CRTAC1: variants seen among roughly 807,000 people sequenced by gnomAD.
CRTAC1 encodes acidic secreted protein in cartilage.
Under a neutral mutation model 67.8 loss-of-function variants are expected in CRTAC1, and 37 were observed. The ratio of observed to expected loss-of-function variants is 0.55; its 90% CI spans 0.42 to 0.72. The LOEUF (loss-of-function observed/expected upper bound fraction) is 0.72. Among genes scored for constraint, CRTAC1 ranks in the 30% least tolerant of loss-of-function variants. CRTAC1 has a pLI of 0.00. For missense variants in CRTAC1, 780 were observed against 931.6 expected (o/e 0.84, Z 2.12); for synonymous variants, 348 against 371.0 (o/e 0.94, Z 0.71).
chr10:97,915,664 C>T (rs7899412), intron 5 of CRTAC1, among the ~76,000 whole-genome samples: 135,077 of 151,240 alleles, frequency 0.89, 60,712 homozygotes, highest in South Asian at 0.96. Flanking sequence ...TCCAGCCAGA[C>T]GTCCATGTGT....
intron 14 of CRTAC1, among the ~76,000 whole-genome samples, chr10:97,874,124 G>A (rs2050120816): frequency 6.6e-6 from 1 of 152,238 alleles, no homozygotes; most frequent in Non-Finnish European, 1.5e-5. Context: ...GGAGCAGCCG[G>A]CAACCCGGCA....
intron 7 of CRTAC1, among the ~76,000 whole-genome samples, chr10:97,902,104 G>T (rs1413656778): frequency 6.6e-6 from 1 of 152,192 alleles, no homozygotes; most frequent in Non-Finnish European, 1.5e-5. Flanking sequence ...AGCTGGGTGG[G>T]CACCGGAAAT....
At chr10:97,971,213 C>G (rs1247667664) in intron 2 of CRTAC1, among the ~76,000 whole-genome samples, 2 of 152,122 alleles carry the variant, frequency 1.3e-5, no homozygotes, top group African/African-American at 4.8e-5. Context: ...TGATTGATGA[C>G]TAGGAATCTA....
chr10:97,908,171 T>G, intron 5 of CRTAC1, 24 bp from the exon 6 acceptor site: 2 of 1,612,546 alleles, frequency 1.2e-6, no homozygotes, highest in Non-Finnish European at 1.7e-6. Flanking sequence ...CGACCCACAG[T>G]GAGTGGCAGA....
chr10:97,906,522 C>T (rs1026344414), intron 6 of CRTAC1, among the ~76,000 whole-genome samples: 6 of 152,218 alleles, frequency 3.9e-5, no homozygotes, highest in Non-Finnish European at 8.8e-5. Flanking sequence ...CCTTCTCCCA[C>T]TCCAACTTGT....
At chr10:97,909,410 T>C (rs1157703822) in intron 5 of CRTAC1, among the ~76,000 whole-genome samples, 1 of 152,170 alleles carries the variant, frequency 6.6e-6, no homozygotes, top group African/African-American at 2.4e-5. Context: ...CCCTGGGCAA[T>C]TTACGTTACC....
chr10:98,013,959 C>T (rs1201280744), intron 1 of CRTAC1, among the ~76,000 whole-genome samples: 8 of 152,132 alleles, frequency 5.3e-5, no homozygotes, highest in South Asian at 2.1e-4. Flanking sequence ...GAGAATAAGT[C>T]CTTTACATTT....
chr10:97,908,981 G>A (rs572426404), intron 5 of CRTAC1, among the ~76,000 whole-genome samples: 78 of 152,342 alleles, frequency 5.1e-4, no homozygotes, highest in African/African-American at 1.8e-3. Context: ...GAAGGAAAGA[G>A]AAACGATAGT....
chr10:97,946,988 A>C (rs1347039169), intron 2 of CRTAC1, among the ~76,000 whole-genome samples: 1 of 152,220 alleles, frequency 6.6e-6, no homozygotes, highest in Non-Finnish European at 1.5e-5. Flanking sequence ...GCTTGGTCAC[A>C]AAACACTTTA....
At chr10:97,930,287 C>G (rs1042742427) in intron 3 of CRTAC1, among the ~76,000 whole-genome samples, 2 of 152,204 alleles carry the variant, frequency 1.3e-5, no homozygotes, top group African/African-American at 2.4e-5. Flanking sequence ...TTGTTAGGAC[C>G]ATGGGGATGG....
At chr10:98,011,679 G>C (rs1842912042) in intron 1 of CRTAC1, among the ~76,000 whole-genome samples, 1 of 152,156 alleles carries the variant, frequency 6.6e-6, no homozygotes, top group Non-Finnish European at 1.5e-5. Context: ...AGCTCCACTT[G>C]GGCAAGGATC....
At chr10:98,018,561 A>G (rs542985697) in intron 1 of CRTAC1, among the ~76,000 whole-genome samples, 2 of 152,318 alleles carry the variant, frequency 1.3e-5, no homozygotes, top group East Asian at 1.9e-4. Context: ...ACTTTCCTGA[A>G]TTGGGCCTGG....
chr10:97,871,001 T>G (rs1564870640), intron 14 of CRTAC1: 1 of 152,216 alleles, frequency 6.6e-6, no homozygotes, highest in Non-Finnish European at 1.5e-5. Flanking sequence ...AGTAAGAAAC[T>G]GGCCATGAAT....
chr10:97,870,766 T>A (rs1261658091), intron 14 of CRTAC1: 1 of 152,034 alleles, frequency 6.6e-6, no homozygotes, highest in African/African-American at 2.4e-5. Flanking sequence ...GAAAATGTAA[T>A]GTCTGCTCTG....
At position 97,917,671 on chromosome 10, in the gene CRTAC1, A is replaced by G; in HGVS notation, c.559-15T>C. 1 of 1,528,860 alleles carries G rather than the reference A, an allele frequency of 6.5e-7. No individual in the cohort carries two copies. Among genetic ancestry groups the G allele is most frequent in the Non-Finnish European group, 8.9e-7 (1 of 1,126,568 alleles). 94.7% of individuals were successfully genotyped at this position (1,528,860 alleles called of 1,614,324 possible). On this transcript the variant is annotated splice_polypyrimidine_tract_variant and intron_variant, in intron 4 of 14. Transcript: ENST00000370597. Reference sequence around the variant, plus strand: ...CGTCCAGAGCCCTGAGGAAGAAGGGAAGGGAGAGGTGAGCAGGGCCACCTT... The same window carrying G: ...CGTCCAGAGCCCTGAGGAAGAAGGGGAGGGAGAGGTGAGCAGGGCCACCTT...
intron 1 of CRTAC1, among the ~76,000 whole-genome samples, chr10:98,023,855 C>A (rs557327433): frequency 1.3e-5 from 2 of 152,258 alleles, no homozygotes; most frequent in South Asian, 2.1e-4. Context: ...AAGTGACTTC[C>A]TACCTCCCAT....
At chr10:97,902,751 C>T (rs2050559393) in intron 7 of CRTAC1, among the ~76,000 whole-genome samples, 2 of 152,156 alleles carry the variant, frequency 1.3e-5, no homozygotes, top group South Asian at 2.1e-4. Flanking sequence ...GGCCTGCTCT[C>T]GGCCTCCTGC....
At chr10:97,984,898 GA>G (rs781290743) in intron 2 of CRTAC1, among the ~76,000 whole-genome samples, 64 of 152,372 alleles carry the variant, frequency 4.2e-4, no homozygotes, top group Non-Finnish European at 6.8e-4. Flanking sequence ...GAAGGAGCCA[GA>G]ACCTTCTGAC....
At chr10:97,968,977 C>T (rs1352043139) in intron 2 of CRTAC1, among the ~76,000 whole-genome samples, 1 of 152,136 alleles carries the variant, frequency 6.6e-6, no homozygotes, top group Non-Finnish European at 1.5e-5. Flanking sequence ...ATTTCTCAGT[C>T]ACATTTGGAG....
Sources: allele counts gnomAD v4.1 joint callset (sites outside exome capture counted in the v4.1 genomes callset), GRCh38; gene constraint gnomAD v4.1.1; transcripts MANE v1.5; gene names NCBI Gene and HGNC (gene_info 2026-07-23, HGNC 2026-07-21).